CRACD: variants seen among roughly 807,000 people sequenced by gnomAD.
CRACD encodes the protein capping protein inhibiting regulator of actin dynamics, also known as capping protein-inhibiting regulator of actin dynamics.
Under a neutral mutation model 106.8 loss-of-function variants are expected in CRACD, and 56 were observed. That is an observed-to-expected ratio of 0.52 (90% confidence interval 0.42 to 0.66). The LOEUF (loss-of-function observed/expected upper bound fraction) is 0.66. Among genes scored for constraint, CRACD ranks in the 30% least tolerant of loss-of-function variants. CRACD has a pLI of 0.00. For missense variants in CRACD, 1,730 were observed against 1,623.2 expected, an observed-to-expected ratio of 1.07 and a Z score of -1.13; for synonymous variants, 754 against 670.8, an observed-to-expected ratio of 1.12 and a Z score of -1.92.
chr4:56,237,747 CACACACACACACACAA>C (rs1449059345), intron 2 of CRACD, among the ~76,000 whole-genome samples: 76 of 151,700 alleles, frequency 5.0e-4, no homozygotes, highest in African/African-American at 1.7e-3. Flanking sequence ...CACACACACA[CACACACACACACACAA>C]ACACATACAC....
Position 56,094,380 on chromosome 4 carries a change from T to C in CRACD, c.-336+45081T>C, listed in dbSNP as rs1048936709. On this transcript the variant is annotated intron_variant, in intron 1 of 10. Transcript: ENST00000682029. ...ACTAGAAAGAATTCATAAAATGATT[T>C]TTATATATTTACTTATGTATTCCAT... 2.2e-4 allele frequency among the ~76,000 whole-genome samples: 33 copies of C among 152,226 alleles called. No homozygotes were observed. In the Middle Eastern group the frequency reaches 0.014, roughly 63 times the overall value.
intron 2 of CRACD, among the ~76,000 whole-genome samples, chr4:56,245,385 T>A (rs1740624762): frequency 6.6e-6 from 1 of 152,210 alleles, no homozygotes. Flanking sequence ...CTGGCTGTGA[T>A]ACCTATGGTA....
intron 1 of CRACD, among the ~76,000 whole-genome samples, chr4:56,115,743 GGAGAATGCTA>G (rs1734255276): frequency 1.3e-5 from 2 of 152,176 alleles, no homozygotes; most frequent in South Asian, 4.1e-4. Context: ...TGAGGACCCA[GGAGAATGCTA>G]TTTTAGAAAC....
intron 2 of CRACD, among the ~76,000 whole-genome samples, chr4:56,188,031 C>T (rs534862482): frequency 1.2e-3 from 184 of 152,208 alleles, no homozygotes; most frequent in Middle Eastern, 3.4e-3. Context: ...AGAAGGCTAT[C>T]CTATGACTGG....
Position 56,314,307 on chromosome 4 carries a change from C to T in CRACD, c.805C>T (p.Leu269Phe). The T allele has an allele frequency of 6.4e-7, 1 of 1,553,158 alleles. No individual in the cohort carries two copies. ...RLWEENRRQE[L>F]LEEEGEGQEP... is the part of the protein sequence containing the mutation. ...TTGGGAAGAGAACAGAAGGCAGGAG[C>T]TCTTGGAGGAGGAGGGCGAGGGGCA... is the stretch of plus-strand genomic sequence containing the variant. Residue 269 changes from leucine (L) to phenylalanine (F), a missense_variant, in exon 8 of 11, where the codon CTC becomes TTC. Transcript: ENST00000682029. The surrounding 1 kb of genome is among the most constrained non-coding windows in gnomAD (Gnocchi z 4.4).
intron 3 of CRACD, among the ~76,000 whole-genome samples, chr4:56,284,904 A>C (rs1743249628): frequency 6.6e-6 from 1 of 152,180 alleles, no homozygotes; most frequent in Non-Finnish European, 1.5e-5. Context: ...TGTGGGGCTG[A>C]TAAGGTTTGA....
At position 56,205,548 on chromosome 4, in the gene CRACD, A is replaced by G. The variant is rs1738083148; in HGVS notation, c.-189+26118A>G. Among the ~76,000 whole-genome samples the G allele has an allele frequency of 2.6e-5, 4 of 152,184 alleles. No individual in the cohort carries two copies. The South Asian group carries it at 8.3e-4, about 32-fold the overall frequency. ...TTTTTGTATGTGTGTGTGTAAGTAC[A>G]AACATGCATATATGTGTGTGTGTGT... On this transcript the variant is annotated intron_variant, in intron 2 of 10. Coordinates refer to ENST00000682029, the MANE Select transcript of CRACD (RefSeq NM_001393381.1).
intron 2 of CRACD, among the ~76,000 whole-genome samples, chr4:56,231,591 A>G (rs77633010): frequency 0.035 from 5,282 of 152,326 alleles, 154 homozygotes; most frequent in Middle Eastern, 0.065. Context: ...CCAAATGCCT[A>G]TCAACCTAAG....
chr4:56,096,038 G>A (rs1733590033), intron 1 of CRACD, among the ~76,000 whole-genome samples: 1 of 152,088 alleles, frequency 6.6e-6, no homozygotes, highest in African/African-American at 2.4e-5. Context: ...GAGTTGGTTT[G>A]GTATATATTG....
At chr4:56,162,172 C>T (rs1246971164) in intron 1 of CRACD, among the ~76,000 whole-genome samples, 3 of 151,680 alleles carry the variant, frequency 2.0e-5, no homozygotes, top group Non-Finnish European at 4.4e-5. Flanking sequence ...TATTATTAGG[C>T]TCGAATTTTT....
At chr4:56,147,054 C>T (rs895306595) in intron 1 of CRACD, among the ~76,000 whole-genome samples, 1 of 152,112 alleles carries the variant, frequency 6.6e-6, no homozygotes, top group Non-Finnish European at 1.5e-5. Flanking sequence ...ATTGCCCATC[C>T]GGAGGTCCAA....
At chr4:56,295,516 G>A (rs1490206354) in intron 3 of CRACD, among the ~76,000 whole-genome samples, 1 of 151,814 alleles carries the variant, frequency 6.6e-6, no homozygotes, top group African/African-American at 2.4e-5. Context: ...CCAAAGAGCA[G>A]GAGAGTGCCA....
At chr4:56,187,048 A>C (rs762939109) in intron 2 of CRACD, among the ~76,000 whole-genome samples, 4 of 151,988 alleles carry the variant, frequency 2.6e-5, no homozygotes, top group Non-Finnish European at 4.4e-5. Flanking sequence ...CAGCCTGGGC[A>C]ACAGAGCAAG....
Position 56,055,264 on chromosome 4 carries a change from G to A in CRACD, c.-336+5965G>A, listed in dbSNP as rs115108593. Among the ~76,000 whole-genome samples, 900 of 151,926 alleles carry A rather than the reference G, an allele frequency of 5.9e-3. 12 individuals are homozygous for A. Among genetic ancestry groups the A allele is most frequent in the African/African-American group, 0.021 (856 of 41,440 alleles). ...GAAGGAAGATAAGGAGACAGGGAGC[G>A]GGAAACAGGTTGTCTGAAAACTTGA... On this transcript the variant is annotated intron_variant, in intron 1 of 10. Coordinates refer to ENST00000682029, the MANE Select transcript of CRACD (RefSeq NM_001393381.1).
At chr4:56,249,131 A>T (rs1184184003) in intron 2 of CRACD, among the ~76,000 whole-genome samples, 1 of 132,960 alleles carries the variant, frequency 7.5e-6, no homozygotes, top group East Asian at 2.3e-4. Context: ...CTAGTTGTAG[A>T]TCCCTGAGGA....
Position 56,113,267 on chromosome 4 carries a change from A to C in CRACD, c.-336+63968A>C, listed in dbSNP as rs759480665. 3.9e-5 allele frequency among the ~76,000 whole-genome samples: 6 copies of C among 152,336 alleles called. No homozygotes were observed. In the East Asian group the frequency reaches 1.2e-3, roughly 29 times the overall value. On this transcript the variant is annotated intron_variant, in intron 1 of 10. Transcript: ENST00000682029. Reference sequence around the variant, plus strand: ...GTTCTATTGTGTGTTGCTGACTAAAAATATCAGTTATATTTGTTTGTGGAT... The same window carrying C: ...GTTCTATTGTGTGTTGCTGACTAAACATATCAGTTATATTTGTTTGTGGAT...
At chr4:56,240,635 G>C (rs1740309542) in intron 2 of CRACD, among the ~76,000 whole-genome samples, 1 of 152,290 alleles carries the variant, frequency 6.6e-6, no homozygotes, top group Admixed American at 6.5e-5. Flanking sequence ...CTCCCTAGTA[G>C]CTGGGACTAC....
At chr4:56,164,523 A>G (rs1241994326) in intron 1 of CRACD, among the ~76,000 whole-genome samples, 1 of 152,232 alleles carries the variant, frequency 6.6e-6, no homozygotes, top group Non-Finnish European at 1.5e-5. Context: ...AAGAATCTCC[A>G]TAGCATTAGG....
intron 1 of CRACD, among the ~76,000 whole-genome samples, chr4:56,173,451 G>A (rs905547613): frequency 6.6e-6 from 1 of 152,204 alleles, no homozygotes; most frequent in Non-Finnish European, 1.5e-5. Context: ...AACAGAACAA[G>A]TTGTAAATTG....
Sources: gnomAD v4.1 joint callset for allele counts (sites outside exome capture counted in the v4.1 genomes callset) on GRCh38, gnomAD v4.1.1 for gene constraint, Gnocchi (gnomAD v3.1) non-coding constraint, MANE v1.5 for transcripts, NCBI Gene and HGNC (gene_info 2026-07-23, HGNC 2026-07-21) for gene names.